APOLD1: variants seen among roughly 807,000 people sequenced by gnomAD.
APOLD1 encodes the protein apolipoprotein L domain containing 1.
A neutral mutation model predicts 15.3 loss-of-function variants in APOLD1; 22 were observed. The observed-to-expected ratio is 1.44, with a 90% confidence interval of 1.03 to 2.05. The LOEUF (loss-of-function observed/expected upper bound fraction) is 2.05. APOLD1 is among the 30% of genes most tolerant of loss of function. APOLD1 has a pLI of 0.00. For synonymous variants in APOLD1, 190 were observed against 167.4 expected, an observed-to-expected ratio of 1.13 and a Z score of -1.04; for missense variants, 394 against 353.5, an observed-to-expected ratio of 1.11 and a Z score of -0.92.
intron 1 of APOLD1, among the ~76,000 whole-genome samples, chr12:12,736,699 ATGC>A (rs1946689508): frequency 6.6e-6 from 1 of 152,218 alleles, no homozygotes; most frequent in Non-Finnish European, 1.5e-5. Context: ...GTTCTCCATG[ATGC>A]TGCTTAACAT....
intron 1 of APOLD1, among the ~76,000 whole-genome samples, chr12:12,746,603 TAA>T (rs1214055971): frequency 6.6e-6 from 1 of 152,208 alleles, no homozygotes; most frequent in African/African-American, 2.4e-5. Flanking sequence ...TAAAGAATTT[TAA>T]AAAACTATTG....
intron 1 of APOLD1, chr12:12,771,348 CAT>C: frequency 3.7e-6 from 1 of 266,722 alleles, no homozygotes; most frequent in African/African-American, 2.3e-5. Flanking sequence ...CCCTTATGGC[CAT>C]CAGTTTGTTG....
At chr12:12,742,280 T>C (rs967205419) in intron 1 of APOLD1, among the ~76,000 whole-genome samples, 2 of 152,014 alleles carry the variant, frequency 1.3e-5, no homozygotes, top group Non-Finnish European at 2.9e-5. Context: ...TTATGGCAGG[T>C]TGCAACTGTC....
At chr12:12,784,714 G>T (rs1947110483), upstream of APOLD1, among the ~76,000 whole-genome samples, 1 of 152,104 alleles carries the variant, frequency 6.6e-6, no homozygotes, top group African/African-American at 2.4e-5. Flanking sequence ...ATGGATTTGG[G>T]GACATGTAGT....
chr12:12,782,174 G>A (rs537311188), upstream of APOLD1, among the ~76,000 whole-genome samples: 7 of 152,120 alleles, frequency 4.6e-5, no homozygotes, highest in South Asian at 8.3e-4. Context: ...CAGGAGAATC[G>A]TTTGAACCTG....
At chr12:12,726,331 T>C (rs1335373840) in intron 1 of APOLD1, 1 of 628,122 alleles carries the variant, frequency 1.6e-6, no homozygotes, top group Non-Finnish European at 2.9e-6. Flanking sequence ...TAAAACAAAC[T>C]CAAGATACGA....
intron 1 of APOLD1, among the ~76,000 whole-genome samples, chr12:12,727,472 C>T (rs1946601628): frequency 1.3e-5 from 2 of 152,122 alleles, no homozygotes; most frequent in African/African-American, 4.8e-5. Context: ...CTTGAGGCCC[C>T]ATCTTTAAAA....
chr12:12,738,923 AC>A (rs1946710631), intron 1 of APOLD1, among the ~76,000 whole-genome samples: 1 of 152,236 alleles, frequency 6.6e-6, no homozygotes, highest in Non-Finnish European at 1.5e-5. Flanking sequence ...GAATTCCTGT[AC>A]AGAAAAGAAA....
At chr12:12,786,698 G>A (rs1189631711) in intron 1 of APOLD1, 1 of 985,296 alleles carries the variant, frequency 1.0e-6, no homozygotes, top group African/African-American at 1.7e-5. Context: ...GCAGAGATAA[G>A]GTCCTGAGAA....
intron 1 of APOLD1, among the ~76,000 whole-genome samples, chr12:12,762,269 G>A (rs1338344557): frequency 6.6e-6 from 1 of 152,104 alleles, no homozygotes; most frequent in Non-Finnish European, 1.5e-5. Flanking sequence ...TATAGCTAAG[G>A]ATGGAGACAG....
At chr12:12,741,687 C>A (rs1285732434) in intron 1 of APOLD1, among the ~76,000 whole-genome samples, 2 of 152,204 alleles carry the variant, frequency 1.3e-5, no homozygotes, top group Non-Finnish European at 2.9e-5. Flanking sequence ...CAGTCTGATA[C>A]GCAGAGAGAT....
upstream of APOLD1, among the ~76,000 whole-genome samples, chr12:12,783,476 G>T (rs1947100484): frequency 1.3e-5 from 2 of 150,788 alleles, no homozygotes; most frequent in Non-Finnish European, 3.0e-5. Context: ...ACACACAGCT[G>T]TTTTTTTTGT....
intron 1 of APOLD1, among the ~76,000 whole-genome samples, chr12:12,732,295 C>A (rs1370345477): frequency 1.3e-5 from 2 of 152,186 alleles, no homozygotes; most frequent in Non-Finnish European, 2.9e-5. Flanking sequence ...ATTTTATATA[C>A]TGCGCATTTA....
chr12:12,782,256 C>CACAA (rs1947086829), upstream of APOLD1, among the ~76,000 whole-genome samples: 9 of 129,634 alleles, frequency 6.9e-5, no homozygotes, highest in South Asian at 1.3e-3. Flanking sequence ...AAGACTCCGT[C>CACAA]TCAAACAAAC....
chr12:12,740,884 C>A (rs1946725776), intron 1 of APOLD1, among the ~76,000 whole-genome samples: 1 of 152,068 alleles, frequency 6.6e-6, no homozygotes. Context: ...CGCCTGTAAT[C>A]CCAGCACTTT....
At chr12:12,773,348 G>T (rs1157649396) in intron 1 of APOLD1, among the ~76,000 whole-genome samples, 1 of 152,088 alleles carries the variant, frequency 6.6e-6, no homozygotes, top group South Asian at 2.1e-4. Flanking sequence ...ATTGCTTGAG[G>T]CCAGGAGTTC....
chr12:12,759,113 C>G (rs1272618009), intron 1 of APOLD1, among the ~76,000 whole-genome samples: 2 of 152,118 alleles, frequency 1.3e-5, no homozygotes, highest in African/African-American at 4.8e-5. Context: ...GATTTCATCA[C>G]GCTACTCAAA....
chr12:12,746,890 G>A (rs1425558351), intron 1 of APOLD1, among the ~76,000 whole-genome samples: 1 of 152,100 alleles, frequency 6.6e-6, no homozygotes, highest in Non-Finnish European at 1.5e-5. Flanking sequence ...GAGAATATGT[G>A]GCATTTGGTT....
In APOLD1 at chr12:12,751,673, C is replaced by T. The variant is rs753687124; in HGVS notation, c.96+25577C>T. Among the ~76,000 whole-genome samples, 4 of 152,318 alleles carry T rather than the reference C, an allele frequency of 2.6e-5. 1 individual carries two copies. Among genetic ancestry groups the T allele is most frequent in the South Asian group, 4.1e-4 (2 of 4,828 alleles). On this transcript the variant is annotated intron_variant, in intron 1 of 1. Transcript: ENST00000326765. ...CCCAGGAGTGACTCTTAGGCAACCT[C>T]GATATTACCTTCTGTGATAGGCTGA...
Sources: allele counts gnomAD v4.1 joint callset (sites outside exome capture counted in the v4.1 genomes callset), GRCh38; gene constraint gnomAD v4.1.1; transcripts MANE v1.5; gene names NCBI Gene and HGNC (gene_info 2026-07-23, HGNC 2026-07-21).